The following DLGAP2 variants were observed in gnomAD, a reference collection of about 807,000 sequenced individuals.
DLGAP2 encodes DLG associated protein 2.
Under a neutral mutation model 100.3 loss-of-function variants are expected in DLGAP2, and 26 were observed. The ratio of observed to expected loss-of-function variants is 0.26; its 90% CI spans 0.19 to 0.36. The LOEUF is 0.36. DLGAP2 is among the 10% of genes least tolerant of loss of function. The pLI, the probability that DLGAP2 is intolerant of heterozygous loss-of-function variation, is 1.00. For missense variants in DLGAP2, 1,858 were observed against 1,453.2 expected, an observed-to-expected ratio of 1.28 and a Z score of -4.53; for synonymous variants, 886 against 630.1, an observed-to-expected ratio of 1.41 and a Z score of -6.08.
chr8:1,410,803 T>G (rs1796708286), intron 3 of DLGAP2, among the ~76,000 whole-genome samples: 1 of 151,400 alleles, frequency 6.6e-6, no homozygotes, highest in Non-Finnish European at 1.5e-5. Context: ...CCTTTCCCTG[T>G]GGGAATGTCC....
intron 3 of DLGAP2, among the ~76,000 whole-genome samples, chr8:1,318,156 C>T (rs979661801): frequency 1.3e-5 from 2 of 148,636 alleles, no homozygotes; most frequent in Admixed American, 6.7e-5. Flanking sequence ...AAAAATAGAG[C>T]GTGTGTGAGT....
At chr8:1,155,569 C>G (rs963062015) in intron 2 of DLGAP2, among the ~76,000 whole-genome samples, 3 of 148,084 alleles carry the variant, frequency 2.0e-5, no homozygotes, top group African/African-American at 8.0e-5. Flanking sequence ...ATGTGTGGTG[C>G]AGGCTCGCAG....
In DLGAP2 at chr8:1,059,305, C is replaced by A. The variant is rs1406632523; in HGVS notation, c.73+151339C>A. On this transcript the variant is annotated intron_variant, in intron 2 of 14. Transcript: ENST00000637795. The stretch of plus-strand genomic sequence containing the variant: ...CGAGGGCCTCCTGGGACCCCTGCAT[C>A]CCCTGGGTATGGACTCTCCCTGCCT... 3.3e-5 allele frequency among the ~76,000 whole-genome samples: 5 copies of A among 150,894 alleles called. No individual in the cohort carries two copies. In the East Asian group the frequency reaches 5.9e-4, roughly 18 times the overall value.
chr8:1,309,951 C>T (rs1585246036), intron 3 of DLGAP2, among the ~76,000 whole-genome samples: 1 of 151,446 alleles, frequency 6.6e-6, no homozygotes, highest in Non-Finnish European at 1.5e-5. Context: ...AAAAATTAGC[C>T]AGGTGTGGTG....
chr8:1,161,813 A>G lies in DLGAP2; in HGVS notation c.74-97038A>G, dbSNP rs191030843. On this transcript the variant is annotated intron_variant, in intron 2 of 14. Transcript: ENST00000637795. Reference sequence around the variant, plus strand: ...TCCTGGAGGCCTGCTGGGGATAGACAGAGGCCACATTGGTGCCTCTTGGTG... The same window carrying G: ...TCCTGGAGGCCTGCTGGGGATAGACGGAGGCCACATTGGTGCCTCTTGGTG... 4.7e-3 allele frequency among the ~76,000 whole-genome samples: 679 copies of G among 143,294 alleles called. 5 individuals are homozygous for G. The highest frequency in any genetic ancestry group is 0.016 in the African/African-American group (644 of 40,996). 94.0% of individuals were successfully genotyped at this position (143,294 alleles called of 152,430 possible).
chr8:743,852 A>C (rs1188119647), intron 1 of DLGAP2, among the ~76,000 whole-genome samples: 1 of 152,252 alleles, frequency 6.6e-6, no homozygotes, highest in East Asian at 1.9e-4. Flanking sequence ...GGCATGGGCC[A>C]CTGCGCGATG....
At chr8:773,519 C>T (rs1821424085) in intron 1 of DLGAP2, among the ~76,000 whole-genome samples, 1 of 147,098 alleles carries the variant, frequency 6.8e-6, no homozygotes, top group Admixed American at 6.9e-5. Flanking sequence ...CACAACAGTC[C>T]CCAGAGTGTG....
At chr8:1,074,071 C>T (rs908722578) in intron 2 of DLGAP2, among the ~76,000 whole-genome samples, 13 of 137,950 alleles carry the variant, frequency 9.4e-5, no homozygotes, top group Non-Finnish European at 1.8e-4. Context: ...GGGTTTGCAG[C>T]AGACTGAGGC....
In DLGAP2 at chr8:817,625, T is replaced by G. The variant is rs7464505; in HGVS notation, c.18+79800T>G. Among the ~76,000 whole-genome samples the G allele has an allele frequency of 8.5e-3, 1,291 of 152,314 alleles. 14 individuals are homozygous for G. Among genetic ancestry groups the G allele is most frequent in the African/African-American group, 0.029 (1,221 of 41,566 alleles). ...GAGGGAAGATCTGGGATTCAAGCGC[T>G]GCTGTTCAGACTCTTTTCTCCCACG... On this transcript the variant is annotated intron_variant, in intron 1 of 14. Transcript: ENST00000637795.
chr8:1,267,366 G>C (rs1799476845), intron 3 of DLGAP2, among the ~76,000 whole-genome samples: 1 of 151,168 alleles, frequency 6.6e-6, no homozygotes, highest in Non-Finnish European at 1.5e-5. Flanking sequence ...AGGAGCTTGA[G>C]ACCAGTCTGA....
intron 3 of DLGAP2, among the ~76,000 whole-genome samples, chr8:1,276,322 T>C (rs932423604): frequency 6.6e-6 from 1 of 151,864 alleles, no homozygotes; most frequent in Non-Finnish European, 1.5e-5. Context: ...AACATTAGTG[T>C]CTTGGACTGA....
chr8:1,630,651 G>A (rs918869838), intron 7 of DLGAP2, among the ~76,000 whole-genome samples: 3 of 151,498 alleles, frequency 2.0e-5, no homozygotes, highest in Non-Finnish European at 4.4e-5. Context: ...GCAGTGAGCC[G>A]AGATCACGCC....
intron 3 of DLGAP2, among the ~76,000 whole-genome samples, chr8:1,287,937 A>AGT (rs1799977580): frequency 1.1e-5 from 1 of 92,518 alleles, no homozygotes; most frequent in Non-Finnish European, 2.0e-5. Context: ...GTTTTGGTTC[A>AGT]GCGTGTGTGT....
intron 3 of DLGAP2, among the ~76,000 whole-genome samples, chr8:1,325,769 G>C (rs1310426696): frequency 1.3e-5 from 2 of 152,212 alleles, no homozygotes; most frequent in African/African-American, 4.8e-5. Context: ...GTTTTCCTGA[G>C]ACGGGTGAAA....
intron 2 of DLGAP2, among the ~76,000 whole-genome samples, chr8:1,173,193 GT>G (rs906153243): frequency 2.0e-5 from 3 of 152,190 alleles, no homozygotes; most frequent in Non-Finnish European, 4.4e-5. Context: ...CCGCAGAACA[GT>G]GGTTTTTCGT....
chr8:837,045 C>T (rs995832379), intron 1 of DLGAP2, among the ~76,000 whole-genome samples: 4 of 152,208 alleles, frequency 2.6e-5, no homozygotes, highest in Admixed American at 1.3e-4. Context: ...GCCAGATTCC[C>T]GGGGTTCGAG....
intron 12 of DLGAP2, among the ~76,000 whole-genome samples, chr8:1,681,737 A>G (rs188653388): frequency 2.8e-4 from 42 of 152,358 alleles, no homozygotes; most frequent in African/African-American, 9.6e-4. Flanking sequence ...GACCTCATTA[A>G]TGCTCATCCC....
rs974937007 is a variant in DLGAP2 at position 884,757 on chromosome 8, G to A, written c.19-23155G>A. 3.3e-5 allele frequency among the ~76,000 whole-genome samples: 5 copies of A among 152,068 alleles called. No individual in the cohort carries two copies. In the South Asian group the frequency reaches 8.3e-4, roughly 25 times the overall value. Reference sequence around the variant, plus strand: ...TAGGTTTTCTTCTAGGATTTTTATCGTTTTGGATTTTAAATTTAAGTCTTT... The same window carrying A: ...TAGGTTTTCTTCTAGGATTTTTATCATTTTGGATTTTAAATTTAAGTCTTT... On this transcript the variant is annotated intron_variant, in intron 1 of 14. Transcript: ENST00000637795.
intron 9 of DLGAP2, 55 bp downstream of exon 9, chr8:1,668,733 C>G: frequency 6.9e-7 from 1 of 1,439,086 alleles, no homozygotes; most frequent in Non-Finnish European, 9.2e-7. Context: ...CTGCCAATAG[C>G]CTAGAATAAG....
Sources: allele counts gnomAD v4.1 joint callset (sites outside exome capture counted in the v4.1 genomes callset), GRCh38; gene constraint gnomAD v4.1.1; transcripts MANE v1.5; gene names NCBI Gene and HGNC (gene_info 2026-07-23, HGNC 2026-07-21).